SH3KBP1: variants seen among roughly 807,000 people sequenced by gnomAD.
The protein encoded by SH3KBP1 is SH3 domain containing kinase binding protein 1.
A neutral mutation model predicts 50.1 loss-of-function variants in SH3KBP1; 8 were observed. That is an observed-to-expected ratio of 0.16 (90% CI 0.09 to 0.29). The LOEUF is 0.29. Ranked by LOEUF, SH3KBP1 falls within the 10% of genes least tolerant of loss-of-function variation. The pLI is 1.00. For synonymous variants in SH3KBP1, 227 were observed against 218.6 expected (o/e 1.04, Z -0.34); for missense variants, 377 against 535.2 (o/e 0.70, Z 2.92).
Position 19,550,154 on chromosome X carries a change from C to A in SH3KBP1, c.1385-71G>T. 6.2e-6 allele frequency: 4 copies of A among 645,889 alleles called. No individual in the cohort carries two copies. In the Admixed American group the frequency reaches 1.1e-4, roughly 17 times the overall value. 53.2% of individuals were successfully genotyped at this position (645,889 alleles called of 1,213,427 possible). On this transcript the variant is annotated intron_variant, in intron 13 of 17. Transcript: ENST00000397821. ...GACTCTTATGATATGTCATAAGCAC[C>A]TCTCTTCCTCAATAATAATCCTTTC...
chrX:19,809,027 T>C (rs2067131011), intron 2 of SH3KBP1, among the ~76,000 whole-genome samples: 1 of 111,784 alleles, frequency 8.9e-6, no homozygotes, highest in African/African-American at 3.3e-5. Flanking sequence ...CATGGTTCAG[T>C]AACATTTCAA....
intron 2 of SH3KBP1, among the ~76,000 whole-genome samples, chrX:19,806,176 G>T (rs186743830): frequency 7.8e-4 from 87 of 111,504 alleles, no homozygotes; most frequent in African/African-American, 2.7e-3. Flanking sequence ...CACTACTATA[G>T]AAAAAGTATG....
intron 1 of SH3KBP1, among the ~76,000 whole-genome samples, chrX:19,865,249 G>A (rs1324218380): frequency 8.9e-6 from 1 of 112,250 alleles, no homozygotes; most frequent in Non-Finnish European, 1.9e-5. Flanking sequence ...ACAGTGCATG[G>A]GTCTCGGCCT....
At chrX:19,573,750 C>A (rs1477114336) in intron 12 of SH3KBP1, among the ~76,000 whole-genome samples, 1 of 111,357 alleles carries the variant, frequency 9.0e-6, no homozygotes, top group Non-Finnish European at 1.9e-5. Context: ...AGGTGGCCCA[C>A]GAGGTCATCT....
At chrX:19,730,006 T>C (rs745895483) in intron 3 of SH3KBP1, among the ~76,000 whole-genome samples, 7 of 111,826 alleles carry the variant, frequency 6.3e-5, no homozygotes, top group African/African-American at 9.8e-5. Flanking sequence ...TGAGCGATTT[T>C]TTTTTTCCTT....
intron 2 of SH3KBP1, among the ~76,000 whole-genome samples, chrX:19,778,294 G>C (rs1010375870): frequency 2.7e-5 from 3 of 109,482 alleles, no homozygotes; most frequent in African/African-American, 6.7e-5. Flanking sequence ...AGCTGGACAC[G>C]ATGGCGGGCG....
intron 2 of SH3KBP1, among the ~76,000 whole-genome samples, chrX:19,749,911 G>T (rs2065015215): frequency 9.0e-6 from 1 of 111,488 alleles, no homozygotes; most frequent in Non-Finnish European, 1.9e-5. Flanking sequence ...CCCGCTCTAA[G>T]AGCTTCACCT....
intron 15 of SH3KBP1, among the ~76,000 whole-genome samples, chrX:19,542,841 G>C (rs1264631164): frequency 8.9e-6 from 1 of 111,793 alleles, no homozygotes; most frequent in Non-Finnish European, 1.9e-5. Context: ...CGTCAGAGGG[G>C]GCAAGAGAGG....
intron 13 of SH3KBP1, among the ~76,000 whole-genome samples, chrX:19,566,215 C>T (rs1435115172): frequency 9.0e-6 from 1 of 110,763 alleles, no homozygotes; most frequent in East Asian, 2.8e-4. Flanking sequence ...AGAGAGAAAA[C>T]CAAACCTCAG....
Position 19,745,648 on chromosome X carries a change from G to A in SH3KBP1, c.286+670C>T, listed in dbSNP as rs182137371. On this transcript the variant is annotated intron_variant, in intron 3 of 17. Coordinates refer to ENST00000397821, the MANE Select transcript of SH3KBP1 (RefSeq NM_031892.3). ...TGGTCCAAGGTCAGGAAAAACGGAGGGACCCTAGTGTGCTCACAGTATAAA... is the reference window on the plus strand; with the variant it reads ...TGGTCCAAGGTCAGGAAAAACGGAGAGACCCTAGTGTGCTCACAGTATAAA... Among the ~76,000 whole-genome samples, 60 of 111,720 alleles carry A rather than the reference G, an allele frequency of 5.4e-4. No individual in the cohort carries two copies. The East Asian group carries it at 0.016, about 30-fold the overall frequency.
At chrX:19,575,165 C>T (rs2066159278) in intron 12 of SH3KBP1, among the ~76,000 whole-genome samples, 1 of 112,641 alleles carries the variant, frequency 8.9e-6, no homozygotes, top group Admixed American at 9.4e-5. Context: ...GAATACCACA[C>T]AAATGAAAAA....
intron 7 of SH3KBP1, among the ~76,000 whole-genome samples, chrX:19,642,952 T>C (rs1332962636): frequency 1.8e-5 from 2 of 111,587 alleles, no homozygotes; most frequent in African/African-American, 6.5e-5. Context: ...TATTTTAGCA[T>C]GCTAAGGAGA....
intron 5 of SH3KBP1, chrX:19,687,524 G>C: frequency 1.4e-6 from 1 of 695,876 alleles, no homozygotes. Flanking sequence ...CTTGGCATAA[G>C]CATGAGCAGC....
intron 1 of SH3KBP1, among the ~76,000 whole-genome samples, chrX:19,873,280 A>ATATATACG (rs1162891719): frequency 3.4e-5 from 3 of 88,996 alleles, no homozygotes; most frequent in African/African-American, 1.7e-4. Flanking sequence ...GGACATATAT[A>ATATATACG]TATATATATG....
At chrX:19,759,095 T>C (rs1449364871) in intron 2 of SH3KBP1, among the ~76,000 whole-genome samples, 1 of 112,431 alleles carries the variant, frequency 8.9e-6, no homozygotes, top group East Asian at 2.8e-4. Context: ...GAATATACCA[T>C]GAACAAGGTA....
intron 1 of SH3KBP1, among the ~76,000 whole-genome samples, chrX:19,885,114 C>T (rs903371479): frequency 2.7e-5 from 3 of 110,550 alleles, no homozygotes; most frequent in African/African-American, 9.9e-5. Flanking sequence ...CGAGACCCTC[C>T]CTCTTAAAAA....
intron 2 of SH3KBP1, among the ~76,000 whole-genome samples, chrX:19,832,294 T>C (rs1239669037): frequency 8.9e-6 from 1 of 111,830 alleles, no homozygotes; most frequent in Non-Finnish European, 1.9e-5. Flanking sequence ...TGACCAGCAC[T>C]GTGGCACACT....
At chrX:19,796,796 G>C (rs73631371) in intron 2 of SH3KBP1, among the ~76,000 whole-genome samples, 4,718 of 111,857 alleles carry the variant, frequency 0.042, 227 homozygotes, top group African/African-American at 0.14. Context: ...TAAAACAGAG[G>C]GTTATCCCAG....
At chrX:19,639,907 CTTT>C (rs377700054) in intron 7 of SH3KBP1, among the ~76,000 whole-genome samples, 1 of 83,162 alleles carries the variant, frequency 1.2e-5, no homozygotes. Context: ...AGAGTTGACT[CTTT>C]TTTTTTTTTT....
Sources: allele counts gnomAD v4.1 joint callset (sites outside exome capture counted in the v4.1 genomes callset), GRCh38; gene constraint gnomAD v4.1.1; transcripts MANE v1.5; gene names NCBI Gene and HGNC (gene_info 2026-07-23, HGNC 2026-07-21).